CEP128: variants seen among roughly 807,000 people sequenced by gnomAD.
The protein encoded by CEP128 is centrosomal protein 128.
CEP128 carries 132 observed loss-of-function variants against 156.7 expected under a neutral mutation model. The observed-to-expected ratio is 0.84, with a 90% CI of 0.73 to 0.97. The LOEUF (loss-of-function observed/expected upper bound fraction) is 0.97. CEP128 is among the 50% of genes least tolerant of loss of function. The pLI is 0.00. For missense variants in CEP128, 1,252 were observed against 1,281.9 expected (o/e 0.98, Z 0.36); for synonymous variants, 469 against 448.9 (o/e 1.04, Z -0.57).
intron 17 of CEP128, 62 bp from the exon 18 acceptor site, chr14:80,757,013 G>T: frequency 8.9e-7 from 1 of 1,119,810 alleles, no homozygotes; most frequent in South Asian, 1.4e-5. Context: ...ATATATAAAT[G>T]AAATTCTTCA....
chr14:80,664,485 T>C (rs1895531080), intron 19 of CEP128, among the ~76,000 whole-genome samples: 1 of 121,688 alleles, frequency 8.2e-6, no homozygotes, highest in Non-Finnish European at 1.7e-5. Flanking sequence ...AGACAGAATA[T>C]GAGGGCAAAA....
chr14:80,929,600 CTAAG>C (rs1320450693), intron 2 of CEP128, among the ~76,000 whole-genome samples: 1 of 152,142 alleles, frequency 6.6e-6, no homozygotes, highest in Non-Finnish European at 1.5e-5. Flanking sequence ...GGCTATTATT[CTAAG>C]TAACTCAGAA....
intron 19 of CEP128, among the ~76,000 whole-genome samples, chr14:80,621,751 A>G (rs1318584730): frequency 6.6e-6 from 1 of 151,986 alleles, no homozygotes; most frequent in African/African-American, 2.4e-5. Flanking sequence ...TAACCTCACC[A>G]TTTTTTACCG....
At chr14:80,650,042 C>G (rs1297606042) in intron 19 of CEP128, among the ~76,000 whole-genome samples, 1 of 152,094 alleles carries the variant, frequency 6.6e-6, no homozygotes, top group Non-Finnish European at 1.5e-5. Context: ...TTCTTCCTAT[C>G]CATGAGCATG....
chr14:80,734,785 T>TTGCAA (rs1053147609), intron 19 of CEP128, among the ~76,000 whole-genome samples: 5 of 143,590 alleles, frequency 3.5e-5, no homozygotes, highest in African/African-American at 1.1e-4. Flanking sequence ...GAGGCAGAGG[T>TTGCAA]TGCAATGAGC....
Position 80,633,697 on chromosome 14 carries a change from G to A in CEP128, c.2807-53274C>T, listed in dbSNP as rs116686840. ...TTTGGACTATGGATTTTAAAAAGTG[G>A]GGATCAGACTTATCTCATTCACCAC... On this transcript the variant is annotated intron_variant, in intron 19 of 24. Transcript: ENST00000555265. 3.5e-3 allele frequency among the ~76,000 whole-genome samples: 538 copies of A among 152,244 alleles called. 3 individuals carry two copies. The highest frequency in any genetic ancestry group is 0.012 in the African/African-American group (486 of 41,538).
At chr14:80,612,503 T>C (rs532761130) in intron 19 of CEP128, among the ~76,000 whole-genome samples, 4 of 152,362 alleles carry the variant, frequency 2.6e-5, no homozygotes, top group Admixed American at 6.5e-5. Flanking sequence ...GAAAGTGCCA[T>C]GAATTTTCCA....
rs553170236 is a variant in CEP128, at chr14:80,759,658, T to G, written c.2553+1779A>C. ...AATTTCCTTTCTTTTAGATCTATTT[T>G]CCACCCAAGACTTGGATTGAATTAG... On this transcript the variant is annotated intron_variant, in intron 17 of 24. Coordinates refer to ENST00000555265, the MANE Select transcript of CEP128 (RefSeq NM_152446.5). 3.9e-5 allele frequency among the ~76,000 whole-genome samples: 6 copies of G among 152,254 alleles called. No homozygotes were observed. In the South Asian group the frequency reaches 1.2e-3, roughly 32 times the overall value.
chr14:80,554,925 G>A (rs548646150), intron 21 of CEP128, among the ~76,000 whole-genome samples: 20 of 151,332 alleles, frequency 1.3e-4, no homozygotes, highest in African/African-American at 3.9e-4. Context: ...TGCTCTTTCC[G>A]AAAGAGCCAC....
chr14:80,950,855 C>T (rs1055345341), intron 2 of CEP128, among the ~76,000 whole-genome samples: 6 of 140,302 alleles, frequency 4.3e-5, no homozygotes, highest in Non-Finnish European at 7.6e-5. Context: ...AGGCACATTA[C>T]AGTGAAATTG....
At chr14:80,717,841 G>A (rs1897664551) in intron 19 of CEP128, among the ~76,000 whole-genome samples, 1 of 152,010 alleles carries the variant, frequency 6.6e-6, no homozygotes, top group African/African-American at 2.4e-5. Context: ...TTGAGACAAG[G>A]TCTCACTTTA....
At chr14:80,692,128 G>C (rs1406378070) in intron 19 of CEP128, among the ~76,000 whole-genome samples, 3 of 152,156 alleles carry the variant, frequency 2.0e-5, no homozygotes, top group Admixed American at 6.5e-5. Flanking sequence ...ATTGTGACTA[G>C]TTGTCAGGAA....
chr14:80,872,979 C>T (rs529428364), intron 8 of CEP128, among the ~76,000 whole-genome samples: 10 of 152,266 alleles, frequency 6.6e-5, no homozygotes, highest in South Asian at 4.1e-4. Flanking sequence ...AGATGCCCTT[C>T]GTGCAATTAT....
intron 2 of CEP128, among the ~76,000 whole-genome samples, chr14:80,947,918 T>C (rs1422266508): frequency 1.3e-5 from 2 of 152,254 alleles, no homozygotes; most frequent in African/African-American, 2.4e-5. Flanking sequence ...CCTGCATTGT[T>C]CTTGGTGACT....
intron 13 of CEP128, among the ~76,000 whole-genome samples, chr14:80,814,604 A>G (rs992831863): frequency 6.6e-6 from 1 of 152,162 alleles, no homozygotes; most frequent in Non-Finnish European, 1.5e-5. Context: ...ACAAAAATCA[A>G]CTCAATGTAA....
At chr14:80,541,955 A>G (rs1035202124) in intron 21 of CEP128, among the ~76,000 whole-genome samples, 1 of 148,790 alleles carries the variant, frequency 6.7e-6, no homozygotes, top group Non-Finnish European at 1.5e-5. Context: ...CTACACTGGG[A>G]CTCAGTTTCC....
At chr14:80,951,612 C>T (rs1181343056) in intron 2 of CEP128, among the ~76,000 whole-genome samples, 3 of 151,952 alleles carry the variant, frequency 2.0e-5, no homozygotes, top group African/African-American at 7.2e-5. Flanking sequence ...GATCAAATAA[C>T]AATGGAGAAA....
chr14:80,898,828 C>A (rs1889465102), intron 7 of CEP128, among the ~76,000 whole-genome samples: 2 of 152,106 alleles, frequency 1.3e-5, no homozygotes, highest in Middle Eastern at 3.2e-3. Context: ...TCCAGGAATT[C>A]AAATGCTTTA....
At chr14:80,891,971 ATAT>A (rs1889122506) in intron 8 of CEP128, among the ~76,000 whole-genome samples, 1 of 151,988 alleles carries the variant, frequency 6.6e-6, no homozygotes, top group South Asian at 2.1e-4. Flanking sequence ...AGAAGAATTA[ATAT>A]TCTTAAATTA....
Sources: allele counts gnomAD v4.1 joint callset (sites outside exome capture counted in the v4.1 genomes callset), GRCh38; gene constraint gnomAD v4.1.1; transcripts MANE v1.5; gene names NCBI Gene and HGNC (gene_info 2026-07-23, HGNC 2026-07-21).